Variants in GOLPH3L observed in about 807,000 individuals in gnomAD.
The protein encoded by GOLPH3L is golgi phosphoprotein 3 like, also known as Golgi phosphoprotein 3-like.
GOLPH3L carries 22 observed loss-of-function variants against 30.3 expected under a neutral mutation model. That is an observed-to-expected ratio of 0.73 (90% confidence interval 0.52 to 1.04). GOLPH3L has a LOEUF of 1.04. Among genes scored for constraint, GOLPH3L ranks in the 50% least tolerant of loss-of-function variants. The pLI is 0.00. For synonymous variants in GOLPH3L, 120 were observed against 128.2 expected (o/e 0.94, Z 0.43); for missense variants, 303 against 345.8 (o/e 0.88, Z 0.98).
chr1:150,673,894 C>CAACCTGGG (rs1171603642), intron 2 of GOLPH3L, among the ~76,000 whole-genome samples: 1 of 133,338 alleles, frequency 7.5e-6, no homozygotes, highest in Non-Finnish European at 1.6e-5. Flanking sequence ...CACTGTACTC[C>CAACCTGGG]AACCTGGGTG....
At chr1:150,655,864 C>G (rs1650226929) in intron 4 of GOLPH3L, among the ~76,000 whole-genome samples, 1 of 152,210 alleles carries the variant, frequency 6.6e-6, no homozygotes, top group Middle Eastern at 3.2e-3. Flanking sequence ...CCTTCTCCTA[C>G]TACAATTCTA....
chr1:150,653,054 G>C (rs1343221114), intron 4 of GOLPH3L, among the ~76,000 whole-genome samples: 1 of 151,424 alleles, frequency 6.6e-6, no homozygotes, highest in Non-Finnish European at 1.5e-5. Context: ...GGATGCCAAG[G>C]TGGGCAGATT....
chr1:150,654,535 C>T (rs587758019), intron 4 of GOLPH3L, among the ~76,000 whole-genome samples: 22 of 151,618 alleles, frequency 1.5e-4, no homozygotes, highest in African/African-American at 4.6e-4. Flanking sequence ...AAACAAAAAA[C>T]GAAAAACAAA....
chr1:150,667,686 C>T (rs927493416), intron 2 of GOLPH3L, among the ~76,000 whole-genome samples: 10 of 150,970 alleles, frequency 6.6e-5, no homozygotes, highest in African/African-American at 1.7e-4. Context: ...CTCCACCTGC[C>T]GGGTTCACGC....
chr1:150,691,998 TC>T (rs959351044), intron 2 of GOLPH3L, among the ~76,000 whole-genome samples: 1 of 152,108 alleles, frequency 6.6e-6, no homozygotes, highest in African/African-American at 2.4e-5. Context: ...TTTTTGTCTC[TC>T]CAGCTAGAAT....
chr1:150,692,864 T>C (rs1024896810), intron 2 of GOLPH3L, among the ~76,000 whole-genome samples: 5 of 152,170 alleles, frequency 3.3e-5, no homozygotes, highest in Non-Finnish European at 7.4e-5. Context: ...CAGCAGGAAA[T>C]TAATCATTCC....
At chr1:150,673,718 C>T (rs912480170) in intron 2 of GOLPH3L, among the ~76,000 whole-genome samples, 2 of 151,614 alleles carry the variant, frequency 1.3e-5, no homozygotes, top group Admixed American at 6.6e-5. Context: ...TGCCTGAGCT[C>T]GGGAGTTCAG....
chr1:150,663,545 T>G, intron 3 of GOLPH3L, 87 bp downstream of exon 3: 1 of 1,215,014 alleles, frequency 8.2e-7, no homozygotes, highest in Non-Finnish European at 1.2e-6. Context: ...TATTTTATCT[T>G]ACTACTCAAA....
chr1:150,682,407 C>G (rs1650976068), intron 2 of GOLPH3L, among the ~76,000 whole-genome samples: 1 of 151,942 alleles, frequency 6.6e-6, no homozygotes, highest in African/African-American at 2.4e-5. Context: ...GCAGGTAGAT[C>G]ACTTGAGTCT....
intron 2 of GOLPH3L, among the ~76,000 whole-genome samples, chr1:150,674,470 C>G (rs948155209): frequency 3.3e-5 from 5 of 151,942 alleles, no homozygotes; most frequent in Non-Finnish European, 7.4e-5. Flanking sequence ...ACCATGTTGG[C>G]CAGGGTAGTT....
At position 150,663,631 on chromosome 1, in the gene GOLPH3L, C is replaced by A. The variant is rs1557782767; in HGVS notation, c.315+1G>T. On this transcript the variant is annotated splice_donor_variant, in intron 3 of 4. Coordinates refer to ENST00000271732, the MANE Select transcript of GOLPH3L (RefSeq NM_018178.6). LOFTEE classifies it high-confidence loss of function. ...ATGGACGTTCACAGAGGATTCAGTACCTTTCTGTCTAGTAGTCGCTTCTTA... is the reference window on the plus strand; with the variant it reads ...ATGGACGTTCACAGAGGATTCAGTAACTTTCTGTCTAGTAGTCGCTTCTTA... The A allele has an allele frequency of 6.2e-7, 1 of 1,610,674 alleles. No individual in the cohort carries two copies. Among genetic ancestry groups the A allele is most frequent in the Non-Finnish European group, 8.5e-7 (1 of 1,177,620 alleles).
chr1:150,653,236 A>T (rs1188124564), intron 4 of GOLPH3L, among the ~76,000 whole-genome samples: 2 of 150,768 alleles, frequency 1.3e-5, no homozygotes, highest in Non-Finnish European at 3.0e-5. Flanking sequence ...GGGAGAGGGA[A>T]TAGAGTTATA....
intron 2 of GOLPH3L, among the ~76,000 whole-genome samples, chr1:150,693,819 G>GTGTGTATA (rs1166804199): frequency 3.5e-5 from 3 of 86,862 alleles, no homozygotes; most frequent in African/African-American, 1.0e-4. Flanking sequence ...GTGTGTGTGT[G>GTGTGTATA]TATATATATA....
chr1:150,652,696 T>A (rs1557779471), intron 4 of GOLPH3L, among the ~76,000 whole-genome samples: 3 of 152,042 alleles, frequency 2.0e-5, no homozygotes, highest in Middle Eastern at 3.2e-3. Context: ...AAAACAATAT[T>A]TATATAATTG....
chr1:150,671,762 C>T (rs1386206778), intron 2 of GOLPH3L, among the ~76,000 whole-genome samples: 1 of 133,454 alleles, frequency 7.5e-6, no homozygotes, highest in African/African-American at 2.8e-5. Flanking sequence ...GCCGAGATCG[C>T]ACCACTGCAC....
At chr1:150,673,273 C>T (rs587611998) in intron 2 of GOLPH3L, among the ~76,000 whole-genome samples, 16 of 152,030 alleles carry the variant, frequency 1.1e-4, no homozygotes, top group African/African-American at 2.4e-4. Context: ...CCAAAGAAAA[C>T]GGAAGAAAAG....
intron 2 of GOLPH3L, among the ~76,000 whole-genome samples, chr1:150,676,105 C>T (rs2101804666): frequency 6.6e-6 from 1 of 152,036 alleles, no homozygotes; most frequent in South Asian, 2.1e-4. Flanking sequence ...TCCTAAGTAG[C>T]TGGAACTACC....
chr1:150,669,033 T>C (rs1391347313), intron 2 of GOLPH3L, among the ~76,000 whole-genome samples: 1 of 152,186 alleles, frequency 6.6e-6, no homozygotes, highest in Non-Finnish European at 1.5e-5. Context: ...TTTTTGAATG[T>C]CACACTTTCC....
chr1:150,654,507 T>TAA (rs796626110), intron 4 of GOLPH3L, among the ~76,000 whole-genome samples: 3 of 139,134 alleles, frequency 2.2e-5, no homozygotes, highest in African/African-American at 7.9e-5. Flanking sequence ...ACATTCCGTT[T>TAA]AAAAAAAAAA....
Sources: allele counts gnomAD v4.1 joint callset (sites outside exome capture counted in the v4.1 genomes callset), GRCh38; gene constraint gnomAD v4.1.1; transcripts MANE v1.5; gene names NCBI Gene and HGNC (gene_info 2026-07-23, HGNC 2026-07-21).